The following APOOL variants were observed in gnomAD, a reference collection of about 807,000 sequenced individuals.
APOOL encodes apolipoprotein O like, also known as MICOS complex subunit MIC27.
Under a neutral mutation model 23.1 loss-of-function variants are expected in APOOL, and 12 were observed. The observed-to-expected ratio is 0.52, with a 90% confidence interval of 0.33 to 0.84. The LOEUF is 0.84. Among genes scored for constraint, APOOL ranks in the 40% least tolerant of loss-of-function variants. APOOL has a pLI of 0.02. For missense variants in APOOL, 212 were observed against 199.6 expected, an observed-to-expected ratio of 1.06 and a Z score of -0.37; for synonymous variants, 77 against 69.9, an observed-to-expected ratio of 1.10 and a Z score of -0.51.
chrX:85,068,440 C>G (rs1300112000), intron 6 of APOOL, among the ~76,000 whole-genome samples: 2 of 92,476 alleles, frequency 2.2e-5, no homozygotes, highest in African/African-American at 4.1e-5. Context: ...GGGTCTTTCT[C>G]TGTCACCCAG....
chrX:85,079,085 T>C (rs759660028), intron 8 of APOOL, among the ~76,000 whole-genome samples: 190 of 111,618 alleles, frequency 1.7e-3, no homozygotes, highest in Admixed American at 4.6e-3. Context: ...CCTTTATTTC[T>C]TTCTCTTGCC....
At chrX:85,078,339 A>G (rs1442237782) in intron 8 of APOOL, among the ~76,000 whole-genome samples, 1 of 111,667 alleles carries the variant, frequency 9.0e-6, no homozygotes, top group Non-Finnish European at 1.9e-5. Flanking sequence ...CCATTTATTA[A>G]ATAGGGAATC....
At chrX:85,045,842 A>AT (rs1465874212) in intron 1 of APOOL, among the ~76,000 whole-genome samples, 6 of 111,859 alleles carry the variant, frequency 5.4e-5, no homozygotes, top group Non-Finnish European at 1.1e-4. Flanking sequence ...GAAAGAATTC[A>AT]TTTTTTATGG....
chrX:85,029,916 A>G (rs894887721), intron 1 of APOOL, among the ~76,000 whole-genome samples: 51 of 112,346 alleles, frequency 4.5e-4, no homozygotes, highest in African/African-American at 1.6e-3. Flanking sequence ...GCTGGAGTGT[A>G]AATTAGTACA....
At chrX:85,083,804 T>C (rs1430975503) in intron 8 of APOOL, among the ~76,000 whole-genome samples, 1 of 112,076 alleles carries the variant, frequency 8.9e-6, no homozygotes, top group East Asian at 2.8e-4. Flanking sequence ...TTATCAGTTA[T>C]GTGATATTAT....
In APOOL at chrX:85,007,896, T is replaced by C. The variant is rs368127667; in HGVS notation, c.15+3969T>C. ...GTTGATACTCATTATTTCATTTAATTCTCACTAAAAGTCTTCTAAGGTAGG... is the reference window on the plus strand; with the variant it reads ...GTTGATACTCATTATTTCATTTAATCCTCACTAAAAGTCTTCTAAGGTAGG... On this transcript the variant is annotated intron_variant, in intron 1 of 8. Transcript: ENST00000373173. Among the ~76,000 whole-genome samples the C allele has an allele frequency of 2.7e-5, 3 of 111,992 alleles. No homozygotes were observed. The East Asian group carries it at 8.4e-4, about 31-fold the overall frequency.
chrX:85,066,092 A>T (rs187514306), intron 5 of APOOL, among the ~76,000 whole-genome samples: 3 of 111,116 alleles, frequency 2.7e-5, no homozygotes, highest in Non-Finnish European at 5.7e-5. Context: ...GCCTGCAAAC[A>T]TTCATTTTCA....
chrX:85,034,899 C>T (rs1446860095), intron 1 of APOOL, among the ~76,000 whole-genome samples: 4 of 111,574 alleles, frequency 3.6e-5, no homozygotes, highest in Admixed American at 1.9e-4. Flanking sequence ...TATTTGGTAT[C>T]GTGAATAGTG....
At chrX:85,028,078 A>C (rs1393936046) in intron 1 of APOOL, among the ~76,000 whole-genome samples, 1 of 111,876 alleles carries the variant, frequency 8.9e-6, no homozygotes, top group African/African-American at 3.3e-5. Flanking sequence ...GTGGTTTGAC[A>C]CTTCTATTAA....
chrX:85,013,676 G>A (rs1921365404), intron 1 of APOOL, among the ~76,000 whole-genome samples: 2 of 111,934 alleles, frequency 1.8e-5, no homozygotes, highest in African/African-American at 3.2e-5. Flanking sequence ...ACAGTGGTCT[G>A]AAAAGATGCT....
At chrX:85,074,501 T>C in intron 8 of APOOL, 110 bp downstream of exon 8, 6 of 922,531 alleles carry the variant, frequency 6.5e-6, no homozygotes, top group Non-Finnish European at 8.9e-6. Context: ...ATATTTTGTC[T>C]TTCTCATATC....
In APOOL at chrX:85,043,232, C is replaced by T. The variant is rs146097117; in HGVS notation, c.16-3214C>T. Among the ~76,000 whole-genome samples, 654 of 111,246 alleles carry T rather than the reference C, an allele frequency of 5.9e-3. 4 individuals are homozygous for T. Among genetic ancestry groups the T allele is most frequent in the African/African-American group, 0.02 (620 of 30,634 alleles). ...ATTTTGACTTGACGAGTTATTATTT[C>T]GAGTTACAAATAGTTTTAAGTTAAG... On this transcript the variant is annotated intron_variant, in intron 1 of 8. Transcript: ENST00000373173.
At chrX:85,032,907 C>T (rs1313755337) in intron 1 of APOOL, among the ~76,000 whole-genome samples, 1 of 111,726 alleles carries the variant, frequency 9.0e-6, no homozygotes, top group African/African-American at 3.3e-5. Flanking sequence ...ATGTTAAACC[C>T]GACAGTTGAA....
At chrX:85,025,072 G>A (rs1290922038) in intron 1 of APOOL, among the ~76,000 whole-genome samples, 2 of 111,934 alleles carry the variant, frequency 1.8e-5, no homozygotes, top group Non-Finnish European at 3.8e-5. Context: ...GGTGGCATCT[G>A]CTTCTGGGGA....
At chrX:85,007,419 A>G (rs776027286) in intron 1 of APOOL, among the ~76,000 whole-genome samples, 2 of 111,427 alleles carry the variant, frequency 1.8e-5, no homozygotes, top group Non-Finnish European at 3.8e-5. Flanking sequence ...GGACTAGGGT[A>G]CTAGAAGATT....
intron 6 of APOOL, among the ~76,000 whole-genome samples, chrX:85,071,169 A>G: frequency 9.0e-6 from 1 of 111,324 alleles, no homozygotes; most frequent in East Asian, 2.8e-4. Context: ...GAAAGACTAA[A>G]TGTTGAAATA....
chrX:85,071,951 G>A lies in APOOL; in HGVS notation c.487-2047G>A, dbSNP rs540303941. On this transcript the variant is annotated intron_variant, in intron 6 of 8. Coordinates refer to ENST00000373173, the MANE Select transcript of APOOL (RefSeq NM_198450.6). The stretch of plus-strand genomic sequence containing the variant: ...CTACTAAAAATACAAAAAATTAGCC[G>A]GGCATGGTGGCGTGGGTATGGTGGC... Among the ~76,000 whole-genome samples the A allele has an allele frequency of 7.3e-4, 81 of 111,048 alleles. No individual in the cohort carries two copies. In the South Asian group the frequency reaches 0.03, roughly 40 times the overall value.
intron 1 of APOOL, among the ~76,000 whole-genome samples, chrX:85,013,292 T>G (rs1921354078): frequency 8.9e-6 from 1 of 112,092 alleles, no homozygotes; most frequent in Admixed American, 9.4e-5. Flanking sequence ...CTTGTTTTAT[T>G]TATCTCTTGT....
chrX:85,006,311 A>G (rs1921077780), intron 1 of APOOL, among the ~76,000 whole-genome samples: 1 of 86,876 alleles, frequency 1.2e-5, no homozygotes, highest in Non-Finnish European at 2.3e-5. Context: ...ACCCTAAGAA[A>G]TGGGTAATAT....
Sources: gnomAD v4.1 joint callset for allele counts (sites outside exome capture counted in the v4.1 genomes callset) on GRCh38, gnomAD v4.1.1 for gene constraint, MANE v1.5 for transcripts, NCBI Gene and HGNC (gene_info 2026-07-23, HGNC 2026-07-21) for gene names.